Variants in LRBA observed in about 807,000 individuals in gnomAD.
LRBA encodes LPS responsive beige-like anchor protein, also known as lipopolysaccharide-responsive and beige-like anchor protein.
In LRBA, 176 loss-of-function variants were observed where a neutral mutation model predicts 330.0. The observed-to-expected ratio is 0.53, with a 90% CI of 0.47 to 0.60. The LOEUF (loss-of-function observed/expected upper bound fraction) is 0.60, where lower values mean the gene tolerates loss of function less well. Among genes scored for constraint, LRBA ranks in the 20% least tolerant of loss-of-function variants. LRBA has a pLI of 0.00. For missense variants in LRBA, 3,259 were observed against 3,444.8 expected (o/e 0.95, Z 1.35); for synonymous variants, 1,230 against 1,193.0 (o/e 1.03, Z -0.64).
At chr4:150,910,781 A>G (rs1731904381) in intron 9 of LRBA, among the ~76,000 whole-genome samples, 1 of 152,162 alleles carries the variant, frequency 6.6e-6, no homozygotes, top group African/African-American at 2.4e-5. Context: ...AGCATATTAA[A>G]TCTTCCAAGG....
At chr4:150,778,953 T>G (rs1184956199) in intron 34 of LRBA, among the ~76,000 whole-genome samples, 2 of 152,190 alleles carry the variant, frequency 1.3e-5, no homozygotes, top group Non-Finnish European at 2.9e-5. Context: ...AGCTAATTAT[T>G]TTTAAAAGAT....
rs975447271 is a variant in LRBA, at chr4:150,497,245, T to C, written c.6331-6210A>G. ...TAGCACGTAATTTACTCAAATAATATTGAATCCTAGTTGGTTCAAGGATTT... is the reference window on the plus strand; with the variant it reads ...TAGCACGTAATTTACTCAAATAATACTGAATCCTAGTTGGTTCAAGGATTT... On this transcript the variant is annotated intron_variant, in intron 40 of 56. Transcript: ENST00000651943. Among the ~76,000 whole-genome samples the C allele has an allele frequency of 1.6e-4, 24 of 152,192 alleles. 1 individual carries two copies. Among genetic ancestry groups the C allele is most frequent in the Admixed American group, 1.4e-3 (21 of 15,274 alleles).
chr4:150,835,786 C>T (rs1156859203), intron 28 of LRBA, among the ~76,000 whole-genome samples: 2 of 152,020 alleles, frequency 1.3e-5, no homozygotes, highest in Admixed American at 6.6e-5. Context: ...AATTGAATAC[C>T]CTTTCTTTCT....
At chr4:150,309,038 G>A (rs935733701) in intron 52 of LRBA, among the ~76,000 whole-genome samples, 1 of 152,074 alleles carries the variant, frequency 6.6e-6, no homozygotes, top group Non-Finnish European at 1.5e-5. Flanking sequence ...CTCACCCAGC[G>A]CAACTTCCAG....
At chr4:150,757,376 T>C (rs146222886) in intron 35 of LRBA, among the ~76,000 whole-genome samples, 164 of 152,262 alleles carry the variant, frequency 1.1e-3, no homozygotes, top group African/African-American at 3.2e-3. Flanking sequence ...AACTTAGTAA[T>C]TGATTTGCTA....
intron 33 of LRBA, among the ~76,000 whole-genome samples, chr4:150,802,194 TG>T (rs1421485406): frequency 7.2e-6 from 1 of 138,608 alleles, no homozygotes; most frequent in Admixed American, 7.6e-5. Flanking sequence ...CACTCCAGTC[TG>T]GGTGTAGGAG....
intron 28 of LRBA, among the ~76,000 whole-genome samples, chr4:150,835,367 T>C (rs551530964): frequency 6.6e-5 from 10 of 152,332 alleles, no homozygotes; most frequent in African/African-American, 2.2e-4. Context: ...CTGATGGGGA[T>C]GGCAATGAAT....
At position 150,321,890 on chromosome 4, in the gene LRBA, T is replaced by G. The variant is rs1263239903; in HGVS notation, c.7453-522A>C. On this transcript the variant is annotated intron_variant, in intron 49 of 56. Transcript: ENST00000651943. This position sits in a 1 kb window ranked among gnomAD's most constrained non-coding sequence, Gnocchi z 4.5. ...ACTACAAAGAGGTAATGAAAACAAA[T>G]ACATTTATAAACAATAGTTAGACTG... Among the ~76,000 whole-genome samples the G allele has an allele frequency of 6.6e-6, 1 of 152,170 alleles. No individual in the cohort carries two copies. Among genetic ancestry groups the G allele is most frequent in the African/African-American group, 2.4e-5 (1 of 41,454 alleles).
At chr4:150,375,387 G>A (rs538568706) in intron 47 of LRBA, among the ~76,000 whole-genome samples, 4 of 152,210 alleles carry the variant, frequency 2.6e-5, no homozygotes, top group Non-Finnish European at 5.9e-5. Context: ...TATTACATCA[G>A]GATTGGCTAC....
rs1730586368 is a variant in LRBA at position 150,900,336 on chromosome 4, GATA to G, written c.1756-122_1756-120del. 1.7e-5 allele frequency: 11 copies of G among 631,178 alleles called. No individual in the cohort carries two copies. The Admixed American group carries it at 2.3e-4, about 13-fold the overall frequency. 39.1% of individuals were successfully genotyped at this position (631,178 alleles called of 1,614,324 possible). On this transcript the variant is annotated intron_variant, in intron 13 of 56. Transcript: ENST00000651943. ...TTCCAAAAAGTAAGATGCTGAGCCT[GATA>G]ATAATATCCATATTAGACAACACAT...
rs57003564 is a variant in LRBA, at chr4:150,870,890, T to A, written c.2368-284A>T. On this transcript the variant is annotated intron_variant, in intron 19 of 56. Coordinates refer to ENST00000651943, the MANE Select transcript of LRBA (RefSeq NM_001364905.1). The stretch of plus-strand genomic sequence containing the variant: ...ACTGTTTAGAAATTCACAGATTAAT[T>A]ATAGATTTCTAAAAATGCAGCCACA... Among the ~76,000 whole-genome samples, 32,784 of 152,098 alleles carry A rather than the reference T, an allele frequency of 0.22. 6,572 individuals are homozygous for A. The highest frequency in any genetic ancestry group is 0.53 in the African/African-American group (22,086 of 41,466).
intron 28 of LRBA, among the ~76,000 whole-genome samples, chr4:150,842,389 C>T (rs563629727): frequency 6.6e-6 from 1 of 152,226 alleles, no homozygotes; most frequent in African/African-American, 2.4e-5. Context: ...TAGGCTCAAG[C>T]GATCCTCCCC....
chr4:150,658,345 AAC>A (rs1380442852), intron 37 of LRBA, among the ~76,000 whole-genome samples: 2 of 149,276 alleles, frequency 1.3e-5, no homozygotes, highest in East Asian at 2.0e-4. Context: ...CTATTAAAAT[AAC>A]AGTCTGCAAG....
At chr4:150,685,424 T>A (rs868598631) in intron 36 of LRBA, among the ~76,000 whole-genome samples, 576 of 17,836 alleles carry the variant, frequency 0.032, 2 homozygotes, top group Middle Eastern at 0.056. Context: ...ATATATATTT[T>A]TTTTTTTTTT....
intron 42 of LRBA, among the ~76,000 whole-genome samples, chr4:150,487,350 C>T (rs1758002531): frequency 1.3e-5 from 2 of 150,772 alleles, no homozygotes; most frequent in South Asian, 4.2e-4. Context: ...AGTATTTAAA[C>T]TTTCCATAAA....
chr4:150,427,386 A>T (rs1749779719), intron 46 of LRBA, among the ~76,000 whole-genome samples: 1 of 152,032 alleles, frequency 6.6e-6, no homozygotes, highest in Non-Finnish European at 1.5e-5. Context: ...CACGAGTACA[A>T]ACTTCAATAC....
At position 150,852,682 on chromosome 4, in the gene LRBA, G is replaced by C; in HGVS notation, c.3028C>G (p.Gln1010Glu). The C allele has an allele frequency of 6.2e-7, 1 of 1,614,016 alleles. No individual in the cohort carries two copies. Among genetic ancestry groups the C allele is most frequent in the Non-Finnish European group, 8.5e-7 (1 of 1,179,942 alleles). ...SLESASNIELQTTNTSYEEMK... is the reference protein window; with the variant it reads ...SLESASNIELETTNTSYEEMK... ...TCTTCATAAGATGTATTAGTAGTTTGCAGTTCAATATTAGATGCAGATTCT... is the reference window on the plus strand; with the variant it reads ...TCTTCATAAGATGTATTAGTAGTTTCCAGTTCAATATTAGATGCAGATTCT... Residue 1010 changes from glutamine to glutamate, a missense_variant, in exon 23 of 57, where the codon CAA (glutamine) becomes GAA (glutamate). Transcript: ENST00000651943.
intron 40 of LRBA, among the ~76,000 whole-genome samples, chr4:150,494,627 G>A (rs1362906111): frequency 3.3e-5 from 5 of 152,118 alleles, no homozygotes. Flanking sequence ...TAAACAGTAT[G>A]GTTATTCAAA....
At chr4:151,005,886 G>A (rs2149663213) in intron 2 of LRBA, among the ~76,000 whole-genome samples, 1 of 152,148 alleles carries the variant, frequency 6.6e-6, no homozygotes, top group East Asian at 1.9e-4. Context: ...TTACAGACGT[G>A]AGCCACCATG....
Sources: gnomAD v4.1 joint callset for allele counts (sites outside exome capture counted in the v4.1 genomes callset) on GRCh38, gnomAD v4.1.1 for gene constraint, Gnocchi (gnomAD v3.1) non-coding constraint, MANE v1.5 for transcripts, NCBI Gene and HGNC (gene_info 2026-07-23, HGNC 2026-07-21) for gene names.